The following UBR2 variants were observed in gnomAD, a reference collection of about 807,000 sequenced individuals.
UBR2 encodes ubiquitin protein ligase E3 component n-recognin 2.
UBR2 carries 92 observed loss-of-function variants against 247.9 expected under a neutral mutation model. The observed-to-expected ratio is 0.37, with a 90% confidence interval of 0.31 to 0.44. The LOEUF (loss-of-function observed/expected upper bound fraction) is 0.44. UBR2 is among the 20% of genes least tolerant of loss of function. The probability of loss-of-function intolerance (pLI) is 1.00; values close to 1 mark genes in which losing one functional copy is unlikely to be tolerated. For missense variants in UBR2, 1,613 were observed against 2,112.6 expected, an observed-to-expected ratio of 0.76 and a Z score of 4.64; for synonymous variants, 672 against 693.5, an observed-to-expected ratio of 0.97 and a Z score of 0.49.
chr6:42,612,300 A>C lies in UBR2; in HGVS notation c.985+9A>C, dbSNP rs1794140057. 1 of 1,496,352 alleles carries C rather than the reference A, an allele frequency of 6.7e-7. No individual in the cohort carries two copies. 92.7% of individuals were successfully genotyped at this position (1,496,352 alleles called of 1,614,324 possible). Reference sequence around the variant, plus strand: ...TATTATTGGATATTCAGGTAGGTTCATAAAAGTTCATGCCAATTGTCTATT... The same window carrying C: ...TATTATTGGATATTCAGGTAGGTTCCTAAAAGTTCATGCCAATTGTCTATT... On this transcript the variant is annotated intron_variant, in intron 8 of 46. Coordinates refer to ENST00000372901, the MANE Select transcript of UBR2 (RefSeq NM_001363705.2).
At chr6:42,615,814 T>C (rs1466963382) in intron 9 of UBR2, among the ~76,000 whole-genome samples, 188 bp from the exon 10 acceptor site, 4 of 150,406 alleles carry the variant, frequency 2.7e-5, no homozygotes, top group Non-Finnish European at 5.9e-5. Flanking sequence ...ATGCCAGCAC[T>C]GTGGGAGGCC....
chr6:42,569,729 A>G (rs1790996796), intron 1 of UBR2, among the ~76,000 whole-genome samples: 1 of 152,222 alleles, frequency 6.6e-6, no homozygotes, highest in African/African-American at 2.4e-5. Context: ...AGACTGTAAT[A>G]AAAGGCTAAC....
intron 38 of UBR2, 25 bp downstream of exon 38, chr6:42,674,218 A>C (rs752055892): frequency 1.9e-6 from 3 of 1,607,284 alleles, no homozygotes; most frequent in Non-Finnish European, 2.6e-6. Context: ...GTTTGTTTGG[A>C]CTTCTACGTC....
intron 22 of UBR2, among the ~76,000 whole-genome samples, chr6:42,649,839 G>A (rs1797008273): frequency 6.6e-6 from 1 of 152,008 alleles, no homozygotes; most frequent in South Asian, 2.1e-4. Flanking sequence ...TTAAAACTCT[G>A]TCTCAATTGG....
intron 2 of UBR2, among the ~76,000 whole-genome samples, chr6:42,586,526 C>T (rs1582459342): frequency 7.6e-6 from 1 of 131,014 alleles, no homozygotes. Context: ...TATTTGTTTT[C>T]AGTTTGTCTC....
At position 42,659,227 on chromosome 6, in the gene UBR2, G is replaced by T. The variant is rs1364548284; in HGVS notation, c.3242+403G>T. The stretch of plus-strand genomic sequence containing the variant: ...ATATACATTCCTGGCTGTGCGTGGT[G>T]GCTCACGCCTGTAATCCCAGCACTT... On this transcript the variant is annotated intron_variant, in intron 29 of 46. Transcript: ENST00000372901. The surrounding 1 kb of genome is among the most constrained non-coding windows in gnomAD (Gnocchi z 4.3). Among the ~76,000 whole-genome samples, 1 of 152,162 alleles carries T rather than the reference G, an allele frequency of 6.6e-6. No individual in the cohort carries two copies. Among genetic ancestry groups the T allele is most frequent in the African/African-American group, 2.4e-5 (1 of 41,444 alleles).
chr6:42,670,617 A>G (rs575644004), intron 35 of UBR2, 43 bp from the exon 36 acceptor site: 3 of 809,500 alleles, frequency 3.7e-6, no homozygotes, highest in East Asian at 2.8e-5. Context: ...ATTAAAATAT[A>G]CATAACATAA....
At position 42,603,588 on chromosome 6, in the gene UBR2, G is replaced by C; in HGVS notation, c.532G>C (p.Asp178His). The C allele has an allele frequency of 1.3e-6, 2 of 1,548,292 alleles. No homozygotes were observed. The highest frequency in any genetic ancestry group is 8.6e-7 in the Non-Finnish European group (1 of 1,159,596). The part of the protein sequence containing the change: ...LNTSEIEEEE[D>H]PLVHLSEDVI... ...CTTTTTTTTCTGTTGTTTCTTTCAG[G>C]ATCCTCTTGTTCATTTATCAGAAGA... Residue 178 changes from aspartate to histidine, a missense_variant and splice_region_variant, in exon 5 of 47, where the codon GAT becomes CAT. By Grantham distance (81) the Asp-to-His change is moderately conservative (BLOSUM62 -1). Around this residue, in one of 3 missense-constraint regions of UBR2, gnomAD observed 1,524 missense variants for 1,967.3 expected, o/e 0.77. Coordinates refer to ENST00000372901, the MANE Select transcript of UBR2 (RefSeq NM_001363705.2).
At chr6:42,669,091 T>C (rs1798283741) in intron 34 of UBR2, among the ~76,000 whole-genome samples, 1 of 151,742 alleles carries the variant, frequency 6.6e-6, no homozygotes, top group South Asian at 2.1e-4. Flanking sequence ...GTCCCACTCA[T>C]TTTTTGTATT....
intron 3 of UBR2, among the ~76,000 whole-genome samples, chr6:42,593,773 A>G (rs1792809882): frequency 6.6e-6 from 1 of 152,198 alleles, no homozygotes; most frequent in African/African-American, 2.4e-5. Context: ...ATTTCTCCAA[A>G]GCAAATGCAG....
chr6:42,647,684 C>T (rs560516471), intron 21 of UBR2, among the ~76,000 whole-genome samples: 16 of 152,124 alleles, frequency 1.1e-4, no homozygotes, highest in African/African-American at 3.1e-4. Flanking sequence ...AATATCTTAT[C>T]GTGAATGAGA....
intron 1 of UBR2, among the ~76,000 whole-genome samples, chr6:42,569,803 C>T (rs1791002145): frequency 6.6e-6 from 1 of 152,026 alleles, no homozygotes; most frequent in Non-Finnish European, 1.5e-5. Flanking sequence ...CTTTCTATCC[C>T]AAGGCTTAAA....
Position 42,650,303 on chromosome 6 carries a change from C to G in UBR2, c.2482C>G (p.Arg828Gly). 1.2e-6 allele frequency: 2 copies of G among 1,613,800 alleles called. No homozygotes were observed. The highest frequency in any genetic ancestry group is 1.7e-6 in the Non-Finnish European group (2 of 1,179,816). Residue 828 changes from arginine (R) to glycine (G), a missense_variant, in exon 23 of 47, where the codon CGA becomes GGA. Around this residue, in one of 3 missense-constraint regions of UBR2, gnomAD observed 1,524 missense variants for 1,967.3 expected, o/e 0.77. Transcript: ENST00000372901. ...AHFKKPGLTG[R>G]GMYELKPECA... is the part of the protein sequence containing the mutation. The stretch of plus-strand genomic sequence containing the variant: ...TCACAGGAAACCTGGATTAACAGGA[C>G]GAGGCATGTATGAACTGAAACCAGA...
chr6:42,617,148 C>A, intron 10 of UBR2: 1 of 1,110,076 alleles, frequency 9.0e-7, no homozygotes, highest in South Asian at 1.3e-5. Context: ...GCAGTGTTAT[C>A]TTCTTGACTT....
chr6:42,629,250 CA>C (rs1795545074), intron 11 of UBR2, among the ~76,000 whole-genome samples: 1 of 152,068 alleles, frequency 6.6e-6, no homozygotes, highest in Non-Finnish European at 1.5e-5. Flanking sequence ...CTCCTGACCT[CA>C]AGTGATCCGC....
chr6:42,632,059 A>T (rs1415351990), intron 11 of UBR2, among the ~76,000 whole-genome samples: 2 of 24,644 alleles, frequency 8.1e-5, no homozygotes, highest in East Asian at 3.0e-3. Context: ...GCTTATTTAA[A>T]AAAAAAAAAA....
rs147830824 is a variant in UBR2 at position 42,586,538 on chromosome 6, CTT to C, written c.339-5594_339-5593del. Reference sequence around the variant, plus strand: ...TGCTATTTGTTTTCAGTTTGTCTCTCTTTTTTTTTTTTTTTTTTTTGTTCCTC... The same window carrying C: ...TGCTATTTGTTTTCAGTTTGTCTCTCTTTTTTTTTTTTTTTTTTGTTCCTC... On this transcript the variant is annotated intron_variant, in intron 2 of 46. Transcript: ENST00000372901. Among the ~76,000 whole-genome samples the C allele has an allele frequency of 7.0e-3, 677 of 97,226 alleles. 4 individuals carry two copies. The highest frequency in any genetic ancestry group is 8.4e-3 in the Non-Finnish European group (435 of 51,562). The allele number at this position is 97,226 out of a possible 152,430, so 63.8% of individuals were successfully genotyped here.
intron 4 of UBR2, 81 bp downstream of exon 4, chr6:42,594,385 G>T (rs752796414): frequency 6.3e-6 from 7 of 1,103,790 alleles, no homozygotes; most frequent in Non-Finnish European, 9.4e-6. Flanking sequence ...GTGAGAAATG[G>T]ATAAGCAAAT....
chr6:42,610,231 C>T (rs1026906619), intron 7 of UBR2, among the ~76,000 whole-genome samples: 1 of 152,106 alleles, frequency 6.6e-6, no homozygotes, highest in Non-Finnish European at 1.5e-5. Context: ...TTGTGCACTA[C>T]TGGTAGGAAG....
Sources: gnomAD v4.1 joint callset for allele counts (sites outside exome capture counted in the v4.1 genomes callset) on GRCh38, gnomAD v4.1.1 for gene constraint, gnomAD v4.1.1 regional missense constraint, Gnocchi (gnomAD v3.1) non-coding constraint, MANE v1.5 for transcripts, NCBI Gene and HGNC (gene_info 2026-07-23, HGNC 2026-07-21) for gene names.